TRAF3IP1: variants seen among roughly 807,000 people sequenced by gnomAD.
The protein encoded by TRAF3IP1 is intraflagellar transport 54.
A neutral mutation model predicts 89.9 loss-of-function variants in TRAF3IP1; 53 were observed. That is an observed-to-expected ratio of 0.59 (90% CI 0.47 to 0.74). TRAF3IP1 has a LOEUF of 0.74. Among genes scored for constraint, TRAF3IP1 ranks in the 30% least tolerant of loss-of-function variants. The pLI is 0.00. For missense variants in TRAF3IP1, 806 were observed against 866.1 expected, an observed-to-expected ratio of 0.93 and a Z score of 0.87; for synonymous variants, 311 against 322.1, an observed-to-expected ratio of 0.97 and a Z score of 0.37.
At position 238,398,858 on chromosome 2, in the gene TRAF3IP1, T is replaced by C; in HGVS notation, c.2015T>C (p.Leu672Pro). The C allele has an allele frequency of 1.2e-6, 2 of 1,613,146 alleles. No homozygotes were observed. ...DKICAVKANI[L>P]KNEEKIQKMV... ...ATCTGTGCTGTGAAGGCCAACATCC[T>C]CAAGAATGAAGAAAAAATCCAGAAA... Residue 672 changes from leucine to proline, a missense_variant, in exon 17 of 17, where the codon CTC (leucine) becomes CCC (proline). Physicochemically the swap from Leu to Pro is moderately conservative, Grantham distance 98 (BLOSUM62 -3). This residue lies in a region of TRAF3IP1 where 70 missense variants were observed against 67.8 expected (regional missense o/e 1.03). Transcript: ENST00000373327.
chr2:238,331,573 A>G (rs1164536075), intron 5 of TRAF3IP1, among the ~76,000 whole-genome samples: 1 of 152,198 alleles, frequency 6.6e-6, no homozygotes, highest in African/African-American at 2.4e-5. Flanking sequence ...AGCGTCTGAG[A>G]CCATGGCGAA....
At chr2:238,324,313 C>T (rs1420762018) in intron 1 of TRAF3IP1, among the ~76,000 whole-genome samples, 2 of 152,106 alleles carry the variant, frequency 1.3e-5, no homozygotes, top group Non-Finnish European at 2.9e-5. Flanking sequence ...AGTGATCCAC[C>T]CACCTCGGCC....
At position 238,325,862 on chromosome 2, in the gene TRAF3IP1, G is replaced by C; in HGVS notation, c.246G>C (p.Met82Ile). The change falls in exon 3 of 17, where the codon ATG becomes ATC. Residue 82 changes from methionine to isoleucine, a missense_variant. Physicochemically the swap from Met to Ile is conservative, Grantham distance 10 (BLOSUM62 1). Around this residue, in one of 3 missense-constraint regions of TRAF3IP1, gnomAD observed 732 missense variants for 780.5 expected, o/e 0.94. Transcript: ENST00000373327. ...AAAAGGCCATAGACGTGGTTGTAATGGTGTCGGGAGAGCCACTGTTGGCCA... is the reference window on the plus strand; with the variant it reads ...AAAAGGCCATAGACGTGGTTGTAATCGTGTCGGGAGAGCCACTGTTGGCCA... ...FLQKAIDVVV[M>I]VSGEPLLAKP... 2 of 1,614,230 alleles carry C rather than the reference G, an allele frequency of 1.2e-6. No individual in the cohort carries two copies. Among genetic ancestry groups the C allele is most frequent in the Non-Finnish European group, 1.7e-6 (2 of 1,180,038 alleles).
chr2:238,397,566 C>T lies in TRAF3IP1; in HGVS notation c.1797C>T (p.Pro599=), dbSNP rs1246162922. ...AGACCCTGTGCAAGAGCGCACTTCC[C>T]CTGGGGAAGATCATGGACTACATCC... is the stretch of plus-strand genomic sequence containing the variant. ...SIQTLCKSAL[P]LGKIMDYIQE... is the part of the protein sequence containing the mutation. Residue 599 remains proline, a synonymous_variant, in exon 16 of 17, where the codon CCC becomes CCT. Transcript: ENST00000373327. 6.2e-7 allele frequency: 1 copy of T among 1,613,042 alleles called. No homozygotes were observed. The highest frequency in any genetic ancestry group is 8.5e-7 in the Non-Finnish European group (1 of 1,179,952).
intron 14 of TRAF3IP1, 138 bp downstream of exon 14, chr2:238,353,347 C>A: frequency 1.1e-6 from 1 of 874,346 alleles, no homozygotes; most frequent in Non-Finnish European, 1.8e-6. Context: ...CGGGATCACA[C>A]TGGTGGTACA....
chr2:238,378,802 C>A (rs536313509), intron 15 of TRAF3IP1, among the ~76,000 whole-genome samples: 10 of 152,168 alleles, frequency 6.6e-5, no homozygotes, highest in South Asian at 2.1e-4. Flanking sequence ...GGGACCCCCC[C>A]CCAGGCCCCA....
intron 8 of TRAF3IP1, among the ~76,000 whole-genome samples, chr2:238,338,921 G>GC (rs1698507823): frequency 6.6e-6 from 1 of 152,202 alleles, no homozygotes; most frequent in African/African-American, 2.4e-5. Flanking sequence ...GGTGTGCCCA[G>GC]CCCTCGTCCT....
chr2:238,347,886 C>A (rs1698970668), intron 10 of TRAF3IP1, among the ~76,000 whole-genome samples: 1 of 152,128 alleles, frequency 6.6e-6, no homozygotes, highest in Admixed American at 6.5e-5. Flanking sequence ...CTCGGCCTCC[C>A]AAAGTTCTGG....
At chr2:238,369,719 C>A (rs1205023313) in intron 15 of TRAF3IP1, among the ~76,000 whole-genome samples, 1 of 152,216 alleles carries the variant, frequency 6.6e-6, no homozygotes, top group Non-Finnish European at 1.5e-5. Flanking sequence ...TGCTGTCTGC[C>A]AGCTTCTCTG....
chr2:238,388,915 G>A (rs891043831), intron 15 of TRAF3IP1, among the ~76,000 whole-genome samples: 4 of 152,178 alleles, frequency 2.6e-5, no homozygotes, highest in Non-Finnish European at 4.4e-5. Flanking sequence ...ATTACAGCGT[G>A]AGCCACTGCG....
intron 15 of TRAF3IP1, among the ~76,000 whole-genome samples, chr2:238,363,016 G>GC (rs1699728697): frequency 6.6e-6 from 1 of 152,140 alleles, no homozygotes; most frequent in African/African-American, 2.4e-5. Context: ...GTTTGAAGTA[G>GC]CCTTTATGAT....
chr2:238,362,463 C>T (rs576597611), intron 15 of TRAF3IP1, among the ~76,000 whole-genome samples: 6 of 152,260 alleles, frequency 3.9e-5, no homozygotes, highest in Admixed American at 6.5e-5. Flanking sequence ...GTGACCCTGA[C>T]GCCTTCTGCC....
intron 1 of TRAF3IP1, 104 bp downstream of exon 1, chr2:238,320,889 C>G: frequency 9.8e-7 from 1 of 1,025,564 alleles, no homozygotes; most frequent in Non-Finnish European, 1.2e-6. Flanking sequence ...CGGGCTCGGG[C>G]TCAGGTGCGG....
Position 238,329,102 on chromosome 2 carries a change from G to A in TRAF3IP1, c.675G>A (p.Arg225=). ...GAGAGAGAGCCAAAGCCCGGGCCAG[G>A]CCAGACAACGAGCGACAGAAAGACA... The part of the protein sequence containing the change: ...GERERAKARA[R]PDNERQKDRG... The change falls in exon 5 of 17, where the codon AGG becomes AGA. Residue 225 remains arginine (R), a synonymous_variant. Transcript: ENST00000373327. 6.4e-7 allele frequency: 1 copy of A among 1,550,792 alleles called. No individual in the cohort carries two copies. The highest frequency in any genetic ancestry group is 8.7e-7 in the Non-Finnish European group (1 of 1,146,872).
chr2:238,378,589 T>C lies in TRAF3IP1; in HGVS notation c.1690-18870T>C, dbSNP rs370828908. Among the ~76,000 whole-genome samples the C allele has an allele frequency of 7.9e-5, 12 of 152,224 alleles. No individual in the cohort carries two copies. In the East Asian group the frequency reaches 1.7e-3, roughly 22 times the overall value. On this transcript the variant is annotated intron_variant, in intron 15 of 16. Coordinates refer to ENST00000373327, the MANE Select transcript of TRAF3IP1 (RefSeq NM_015650.4). Reference sequence around the variant, plus strand: ...TAAAAATAGAACTTCATCTCTATATTAAAGTGGAATTGGCCTGGAGTTTGA... The same window carrying C: ...TAAAAATAGAACTTCATCTCTATATCAAAGTGGAATTGGCCTGGAGTTTGA...
chr2:238,378,218 T>C (rs536376902), intron 15 of TRAF3IP1, among the ~76,000 whole-genome samples: 60 of 152,336 alleles, frequency 3.9e-4, no homozygotes, highest in African/African-American at 1.3e-3. Context: ...TCTCTACTAT[T>C]TTTCTTTTTA....
At chr2:238,374,952 A>G (rs1006190057) in intron 15 of TRAF3IP1, among the ~76,000 whole-genome samples, 1 of 152,022 alleles carries the variant, frequency 6.6e-6, no homozygotes, top group African/African-American at 2.4e-5. Context: ...GGTAGTTTGT[A>G]TTTCTGTGGG....
rs769651861 is a variant in TRAF3IP1, at chr2:238,325,351, G to A, written c.169G>A (p.Glu57Lys). 79 of 1,613,986 alleles carry A rather than the reference G, an allele frequency of 4.9e-5. No homozygotes were observed. Among genetic ancestry groups the A allele is most frequent in the Non-Finnish European group, 6.6e-5 (78 of 1,180,022 alleles). ...CATGAAGGGCCTCTACACAGACGCC[G>A]AGATGAAGTCTGATAATGTGAAGGT... ...GFMKGLYTDA[E>K]MKSDNVKDKD... Residue 57 changes from glutamate (E) to lysine (K), a missense_variant, in exon 2 of 17, where the codon GAG becomes AAG. Transcript: ENST00000373327.
chr2:238,333,347 G>A (rs546978492), intron 6 of TRAF3IP1, among the ~76,000 whole-genome samples: 3 of 152,310 alleles, frequency 2.0e-5, no homozygotes, highest in South Asian at 2.1e-4. Context: ...TCATCTCCAC[G>A]TGGGCCGTCT....
Sources: allele counts gnomAD v4.1 joint callset (sites outside exome capture counted in the v4.1 genomes callset), GRCh38; gene constraint gnomAD v4.1.1; regional missense constraint gnomAD v4.1.1; transcripts MANE v1.5; gene names NCBI Gene and HGNC (gene_info 2026-07-23, HGNC 2026-07-21).